The following FLRT2 variants were observed in gnomAD, a reference collection of about 807,000 sequenced individuals.
FLRT2 encodes fibronectin leucine rich transmembrane protein 2, also known as leucine-rich repeat transmembrane protein FLRT2.
Under a neutral mutation model 40.0 loss-of-function variants are expected in FLRT2, and 15 were observed. The ratio of observed to expected loss-of-function variants is 0.38; its 90% CI spans 0.25 to 0.58. The LOEUF (loss-of-function observed/expected upper bound fraction) is 0.58, where lower values mean the gene tolerates loss of function less well. Ranked by LOEUF, FLRT2 falls within the 20% of genes least tolerant of loss-of-function variation. The probability of loss-of-function intolerance (pLI) is 0.71; values close to 1 mark genes in which losing one functional copy is unlikely to be tolerated. For missense variants in FLRT2, 726 were observed against 840.0 expected (o/e 0.86, Z 1.68); for synonymous variants, 380 against 336.8 (o/e 1.13, Z -1.41).
intron 1 of FLRT2, among the ~76,000 whole-genome samples, chr14:85,548,212 C>T (rs1724397503): frequency 6.6e-6 from 1 of 152,190 alleles, no homozygotes; most frequent in South Asian, 2.1e-4. Context: ...ACTCTGTCTA[C>T]CTCATGTATG....
At chr14:85,555,651 G>A (rs565675435) in intron 1 of FLRT2, among the ~76,000 whole-genome samples, 19 of 149,352 alleles carry the variant, frequency 1.3e-4, no homozygotes, top group South Asian at 4.3e-4. Context: ...CAGCCTAACC[G>A]TATCAAGCAG....
intron 1 of FLRT2, among the ~76,000 whole-genome samples, chr14:85,594,431 C>T (rs1055282743): frequency 6.6e-6 from 1 of 152,054 alleles, no homozygotes; most frequent in Non-Finnish European, 1.5e-5. Flanking sequence ...TGTGTGTGTG[C>T]CGCTCCCTCA....
chr14:85,543,139 A>G (rs931395435), intron 1 of FLRT2, among the ~76,000 whole-genome samples: 12 of 152,192 alleles, frequency 7.9e-5, no homozygotes, highest in African/African-American at 2.7e-4. Context: ...TGTGCAAATC[A>G]TGAAGACTAA....
intron 1 of FLRT2, among the ~76,000 whole-genome samples, chr14:85,563,209 T>G (rs1890452131): frequency 6.6e-6 from 1 of 152,178 alleles, no homozygotes; most frequent in Admixed American, 6.5e-5. Flanking sequence ...GTTATCACAG[T>G]TGTTCCCAGG....
At chr14:85,531,946 C>T (rs751873313) in intron 1 of FLRT2, among the ~76,000 whole-genome samples, 17 of 152,204 alleles carry the variant, frequency 1.1e-4, no homozygotes, top group Non-Finnish European at 2.4e-4. Context: ...CCTTGCGTGG[C>T]TTGGGAGGCA....
chr14:85,613,407 T>C (rs909610286), intron 1 of FLRT2, among the ~76,000 whole-genome samples: 1 of 152,240 alleles, frequency 6.6e-6, no homozygotes, highest in Admixed American at 6.5e-5. Context: ...TTGCATGTTC[T>C]ATGCCTTTTA....
chr14:85,600,562 G>A (rs988397128), intron 1 of FLRT2, among the ~76,000 whole-genome samples: 20 of 152,114 alleles, frequency 1.3e-4, no homozygotes, highest in African/African-American at 3.9e-4. Context: ...GAAAATAAAC[G>A]TGGTCAAGAG....
intron 1 of FLRT2, among the ~76,000 whole-genome samples, chr14:85,596,463 A>G (rs1314474523): frequency 6.6e-6 from 1 of 152,206 alleles, no homozygotes; most frequent in Non-Finnish European, 1.5e-5. Flanking sequence ...ATGGACCAAA[A>G]CAGAGATTAG....
intron 1 of FLRT2, among the ~76,000 whole-genome samples, chr14:85,544,913 C>T (rs76707843): frequency 0.014 from 2,203 of 152,198 alleles, 54 homozygotes; most frequent in African/African-American, 0.05. Flanking sequence ...TTTTCAGTGG[C>T]TGAAAAGAGT....
At chr14:85,578,275 T>C (rs890531786) in intron 1 of FLRT2, among the ~76,000 whole-genome samples, 2 of 150,378 alleles carry the variant, frequency 1.3e-5, no homozygotes, top group African/African-American at 4.9e-5. Flanking sequence ...TAGCCCCTAG[T>C]TCTCCATGTA....
chr14:85,590,735 C>A (rs553716208), intron 1 of FLRT2, among the ~76,000 whole-genome samples: 241 of 152,200 alleles, frequency 1.6e-3, no homozygotes, highest in African/African-American at 5.6e-3. Flanking sequence ...ATAGCTGGGA[C>A]TACAGGTGCC....
chr14:85,577,982 G>C (rs1162362201), intron 1 of FLRT2, among the ~76,000 whole-genome samples: 1 of 151,568 alleles, frequency 6.6e-6, no homozygotes, highest in Non-Finnish European at 1.5e-5. Context: ...CACTGTCTCT[G>C]GAGATTGTGT....
intron 1 of FLRT2, among the ~76,000 whole-genome samples, chr14:85,555,816 A>G (rs1186072095): frequency 2.0e-5 from 3 of 151,874 alleles, no homozygotes; most frequent in Non-Finnish European, 4.4e-5. Flanking sequence ...TCAGCCTCCC[A>G]AGTAGTTGGG....
intron 1 of FLRT2, among the ~76,000 whole-genome samples, chr14:85,597,093 C>T (rs895969479): frequency 6.6e-6 from 1 of 152,162 alleles, no homozygotes; most frequent in African/African-American, 2.4e-5. Flanking sequence ...TAAGGCTTTG[C>T]TCAAAAGGTA....
chr14:85,594,627 T>C (rs1892049770), intron 1 of FLRT2, among the ~76,000 whole-genome samples: 1 of 152,182 alleles, frequency 6.6e-6, no homozygotes, highest in African/African-American at 2.4e-5. Context: ...ATCTCACTCA[T>C]TTGCAGTTGA....
intron 1 of FLRT2, among the ~76,000 whole-genome samples, chr14:85,542,381 C>T (rs921110479): frequency 5.9e-5 from 9 of 151,874 alleles, no homozygotes; most frequent in East Asian, 1.9e-4. Flanking sequence ...ACTGTGAATC[C>T]GTAAATTTAT....
Position 85,652,636 on chromosome 14 carries a change from A to G in FLRT2, c.*29139A>G, listed in dbSNP as rs1894460805. 6.6e-6 allele frequency: 1 copy of G among 152,148 alleles called. No individual in the cohort carries two copies. The highest frequency in any genetic ancestry group is 1.5e-5 in the Non-Finnish European group (1 of 68,008). The allele number at this position is 152,148 out of a possible 1,614,324, so 9.4% of individuals were successfully genotyped here. A position where few individuals can be genotyped will look rare whatever the true frequency, so the allele number is the denominator to read the frequency against. ...TAGGCCACAGTTAAATATGAGCTTC[A>G]TCTATTAGTGAGTCAATCATAGGAT... On this transcript the variant is annotated 3_prime_UTR_variant, in exon 2 of 2. Coordinates refer to ENST00000330753, the MANE Select transcript of FLRT2 (RefSeq NM_013231.6).
At chr14:85,550,028 T>G (rs976961213) in intron 1 of FLRT2, among the ~76,000 whole-genome samples, 7 of 115,276 alleles carry the variant, frequency 6.1e-5, no homozygotes, top group Non-Finnish European at 1.1e-4. Context: ...TTACAACCAC[T>G]TATTTCTGGG....
rs1256020794 is a variant in FLRT2, at chr14:85,654,289, T to C, written c.*30792T>C. On this transcript the variant is annotated 3_prime_UTR_variant, in exon 2 of 2. Coordinates refer to ENST00000330753, the MANE Select transcript of FLRT2 (RefSeq NM_013231.6). ...TCTATGTAATTGTAGTGTATACTTA[T>C]TATTGACAACTTGAAGAAAGTACAT... is the stretch of plus-strand genomic sequence containing the variant. The C allele has an allele frequency of 6.6e-6, 1 of 152,186 alleles. No individual in the cohort carries two copies. Among genetic ancestry groups the C allele is most frequent in the African/African-American group, 2.4e-5 (1 of 41,452 alleles). The allele number at this position is 152,186 out of a possible 1,614,324, so 9.4% of individuals were successfully genotyped here.
Sources: allele counts gnomAD v4.1 joint callset (sites outside exome capture counted in the v4.1 genomes callset), GRCh38; gene constraint gnomAD v4.1.1; transcripts MANE v1.5; gene names NCBI Gene and HGNC (gene_info 2026-07-23, HGNC 2026-07-21).